GHDC: variants seen among roughly 807,000 people sequenced by gnomAD.
GHDC encodes the protein GH3 domain containing.
GHDC carries 39 observed loss-of-function variants against 51.5 expected under a neutral mutation model. The ratio of observed to expected loss-of-function variants is 0.76; its 90% CI spans 0.59 to 0.99. The LOEUF (loss-of-function observed/expected upper bound fraction) is 0.99. Ranked by LOEUF, GHDC falls within the 50% of genes least tolerant of loss-of-function variation. The pLI, the probability that GHDC is intolerant of heterozygous loss-of-function variation, is 0.00. For synonymous variants in GHDC, 282 were observed against 305.2 expected (o/e 0.92, Z 0.79); for missense variants, 610 against 672.8 (o/e 0.91, Z 1.03).
intron 3 of GHDC, 70 bp downstream of exon 3, chr17:42,193,247 C>T (rs1394208696): frequency 2.3e-5 from 35 of 1,521,034 alleles, no homozygotes; most frequent in Admixed American, 4.6e-5. Context: ...GGCCATCAGG[C>T]TCTGGAATCT....
Position 42,189,642 on chromosome 17 carries a change from G to T in GHDC, c.*61C>A. 1 of 837,192 alleles carries T rather than the reference G, an allele frequency of 1.2e-6. No individual in the cohort carries two copies. Among genetic ancestry groups the T allele is most frequent in the Non-Finnish European group, 1.8e-6 (1 of 569,432 alleles). The allele number at this position is 837,192 out of a possible 1,614,324, so 51.9% of individuals were successfully genotyped here. A position where few individuals can be genotyped will look rare whatever the true frequency, so the allele number is the denominator to read the frequency against. ...GGCCAAGGACTCCCCATCCGGAGAG[G>T]TCCCAGAGGGAGGGGCGAGGTGGCC... On this transcript the variant is annotated 3_prime_UTR_variant, in exon 10 of 10. Transcript: ENST00000587427.
At chr17:42,191,274 C>A in intron 5 of GHDC, 64 bp from the exon 6 acceptor site, 2 of 1,421,662 alleles carry the variant, frequency 1.4e-6, no homozygotes, top group African/African-American at 1.5e-5. Flanking sequence ...AGGCAATAGC[C>A]CCTCCTGGAT....
At chr17:42,191,329 C>T in intron 5 of GHDC, 119 bp from the exon 6 acceptor site, 1 of 991,080 alleles carries the variant, frequency 1.0e-6, no homozygotes, top group Non-Finnish European at 1.4e-6. Context: ...GCTGCCCTTC[C>T]ACCACATCCT....
intron 4 of GHDC, 46 bp downstream of exon 4, chr17:42,192,860 G>T: frequency 2.5e-6 from 4 of 1,597,576 alleles, no homozygotes; most frequent in Non-Finnish European, 3.4e-6. Context: ...GGTCTCTGGT[G>T]GGACTGGGCT....
rs932960202 is a variant in GHDC, at chr17:42,190,534, T to C, written c.1288+90A>G. On this transcript the variant is annotated intron_variant, in intron 8 of 9. Coordinates refer to ENST00000587427, the MANE Select transcript of GHDC (RefSeq NM_032484.5). Reference sequence around the variant, plus strand: ...CTTTTGTAGGAGTAGTAAAGGAGGCTTATCTCTTTCCTAGCAGTCCCCTGG... The same window carrying C: ...CTTTTGTAGGAGTAGTAAAGGAGGCCTATCTCTTTCCTAGCAGTCCCCTGG... 3.3e-5 allele frequency: 49 copies of C among 1,482,384 alleles called. 1 individual carries two copies. The African/African-American group carries it at 5.3e-4, about 16-fold the overall frequency. 91.8% of individuals were successfully genotyped at this position (1,482,384 alleles called of 1,614,324 possible).
intron 5 of GHDC, 152 bp from the exon 6 acceptor site, chr17:42,191,362 G>T: frequency 2.6e-6 from 2 of 767,470 alleles, no homozygotes; most frequent in Non-Finnish European, 3.7e-6. Context: ...CAGCCTCAGC[G>T]GGCTGCCTCT....
Position 42,192,989 on chromosome 17 carries a change from CCT to C in GHDC, c.302_303del (p.Lys101SerfsTer82), listed in dbSNP as rs1567649199. 31 of 1,613,924 alleles carry C rather than the reference CCT, an allele frequency of 1.9e-5. No individual in the cohort carries two copies. The highest frequency in any genetic ancestry group is 2.5e-5 in the Non-Finnish European group (30 of 1,180,018). ...STFRNHLPLT[K>X]ASQTQQEDSG... ...CTGTCTTCCTGCTGGGTCTGGCTGGCCTTGGTCAGAGGGAGATGATTCCGGAA... is the reference window on the plus strand; with the variant it reads ...CTGTCTTCCTGCTGGGTCTGGCTGGCTGGTCAGAGGGAGATGATTCCGGAA... On this transcript the variant is annotated frameshift_variant, in exon 4 of 10. Coordinates refer to ENST00000587427, the MANE Select transcript of GHDC (RefSeq NM_032484.5). LOFTEE classifies it high-confidence loss of function.
Position 42,193,824 on chromosome 17 carries a change from G to A in GHDC, c.-71C>T. On this transcript the variant is annotated 5_prime_UTR_variant, in exon 2 of 10. Transcript: ENST00000587427. ...GCTGTAGGGCCCTGAGCAATTTAGTGGGCTGCACTGAGCTCTGTTTCCTGA... is the reference window on the plus strand; with the variant it reads ...GCTGTAGGGCCCTGAGCAATTTAGTAGGCTGCACTGAGCTCTGTTTCCTGA... 1.8e-6 allele frequency: 1 copy of A among 558,104 alleles called. No homozygotes were observed. Among genetic ancestry groups the A allele is most frequent in the Non-Finnish European group, 3.2e-6 (1 of 317,410 alleles). 34.6% of individuals were successfully genotyped at this position (558,104 alleles called of 1,614,324 possible).
chr17:42,192,262 G>T lies in GHDC; in HGVS notation c.868C>A (p.Pro290Thr). 6.4e-7 allele frequency: 1 copy of T among 1,550,854 alleles called. No homozygotes were observed. Among genetic ancestry groups the T allele is most frequent in the South Asian group, 1.2e-5 (1 of 81,182 alleles). The change falls in exon 5 of 10, where the codon CCT (proline) becomes ACT (threonine). Residue 290 changes from proline (P) to threonine (T), a missense_variant. Pro to Thr is a conservative substitution (Grantham distance 38). Transcript: ENST00000587427. ...LWCQGLAFFS[P>T]AYAASGGVLG... ...TGACCTCCCGAGGCAGCATAAGCAG[G>T]AGAGAAGAAGGCTAGTCCTTGGCAC...
In GHDC at chr17:42,192,486, G is replaced by A. The variant is rs1391340113; in HGVS notation, c.644C>T (p.Thr215Ile). ...CGCCCCAGCTAGCTCTTCACCATCA[G>A]TCTCCAGGCCCAAGAAAACATCCAG... ...ELLDVFLGLE[T>I]DGEELAGAIA... is the part of the protein sequence containing the mutation. The change falls in exon 5 of 10, where the codon ACT becomes ATT. Residue 215 changes from threonine (T) to isoleucine (I), a missense_variant. Transcript: ENST00000587427. The A allele has an allele frequency of 1.9e-6, 3 of 1,613,606 alleles. No individual in the cohort carries two copies. Among genetic ancestry groups the A allele is most frequent in the Non-Finnish European group, 2.5e-6 (3 of 1,180,044 alleles).
rs2079963370 is a variant in GHDC at position 42,190,893 on chromosome 17, C to G, written c.1093G>C (p.Gly365Arg). The G allele has an allele frequency of 1.9e-6, 3 of 1,607,440 alleles. No individual in the cohort carries two copies. Among genetic ancestry groups the G allele is most frequent in the Admixed American group, 1.7e-5 (1 of 57,734 alleles). ...GCACCAACCACTCGCACCACATCAC[C>G]CAGGCGGCACCTGATGGGGTGCAAG... ...DRASLTRCRL[G>R]DVVRVVGAYN... Residue 365 changes from glycine to arginine, a missense_variant, in exon 7 of 10, where the codon GGT becomes CGT. This residue lies in a region of GHDC where 412 missense variants were observed against 410.4 expected (regional missense o/e 1.00). Transcript: ENST00000587427.
Position 42,191,019 on chromosome 17 carries a change from T to A in GHDC, c.1081A>T (p.Arg361Trp). ...LVLTDRASLT[R>W]CRLGDVVRVV... ...AGCAGGGGCTGTGCAGCTGATCACC[T>A]GGTGAGGCTGGCGCGGTCCGTCAGC... Residue 361 changes from arginine (R) to tryptophan (W), a missense_variant and splice_region_variant, in exon 6 of 10, where the codon AGG becomes TGG. This residue lies in a region of GHDC where 412 missense variants were observed against 410.4 expected (regional missense o/e 1.00). Transcript: ENST00000587427. 6.4e-7 allele frequency: 1 copy of A among 1,571,046 alleles called. No homozygotes were observed. The highest frequency in any genetic ancestry group is 8.6e-7 in the Non-Finnish European group (1 of 1,160,096).
chr17:42,190,595 G>A, intron 8 of GHDC, 29 bp downstream of exon 8: 2 of 1,600,678 alleles, frequency 1.2e-6, no homozygotes, highest in Non-Finnish European at 8.5e-7. Flanking sequence ...GCTCAAGGAT[G>A]GTAGGCAGGA....
chr17:42,189,865 G>T lies in GHDC; in HGVS notation c.1431C>A (p.Gly477=). 6.4e-7 allele frequency: 1 copy of T among 1,562,034 alleles called. No homozygotes were observed. The highest frequency in any genetic ancestry group is 1.4e-5 in the African/African-American group (1 of 73,676). ...SPRYKSLRFW[G]SVGPARVHLV... The stretch of plus-strand genomic sequence containing the variant: ...GGTGGACTCTGGCAGGGCCCACGCT[G>T]CCCCAGAACCGCAGGGACTTGTAGC... Residue 477 remains glycine (G), a synonymous_variant, in exon 10 of 10, where the codon GGC becomes GGA. Coordinates refer to ENST00000587427, the MANE Select transcript of GHDC (RefSeq NM_032484.5).
At position 42,189,809 on chromosome 17, in the gene GHDC, C is replaced by A. The variant is rs779394083; in HGVS notation, c.1487G>T (p.Arg496Leu). Residue 496 changes from arginine (R) to leucine (L), a missense_variant, in exon 10 of 10, where the codon CGG becomes CTG. Coordinates refer to ENST00000587427, the MANE Select transcript of GHDC (RefSeq NM_032484.5). ...LVGQGAFRALRAALAACPSSP... is the reference protein window; with the variant it reads ...LVGQGAFRALLAALAACPSSP... ...GGAGGGGCAGGCAGCGAGGGCTGCC[C>A]GGAGTGCTCGGAAGGCTCCCTGCCC... 1.9e-5 allele frequency: 29 copies of A among 1,556,296 alleles called. No homozygotes were observed. The highest frequency in any genetic ancestry group is 2.4e-5 in the Non-Finnish European group (28 of 1,151,034).
In GHDC at chr17:42,192,337, G is replaced by C. The variant is rs1259127553; in HGVS notation, c.793C>G (p.Leu265Val). The C allele has an allele frequency of 6.2e-7, 1 of 1,613,022 alleles. No homozygotes were observed. Among genetic ancestry groups the C allele is most frequent in the East Asian group, 2.2e-5 (1 of 44,882 alleles). The change falls in exon 5 of 10, where the codon CTG becomes GTG. Residue 265 changes from leucine to valine, a missense_variant. Physicochemically the swap from Leu to Val is conservative, Grantham distance 32 (BLOSUM62 1). Transcript: ENST00000587427. ...LWPKLQVVVT[L>V]DAGGQAEAVA... The stretch of plus-strand genomic sequence containing the variant: ...GCCTCGGCCTGGCCTCCTGCATCCA[G>C]AGTCACCACCACCTGCAGCTTTGGC...
Position 42,193,802 on chromosome 17 carries a change from G to A in GHDC, c.-49C>T. 1.6e-6 allele frequency: 1 copy of A among 624,768 alleles called. No homozygotes were observed. The highest frequency in any genetic ancestry group is 2.7e-6 in the Non-Finnish European group (1 of 365,340). 38.7% of individuals were successfully genotyped at this position (624,768 alleles called of 1,614,324 possible). On this transcript the variant is annotated 5_prime_UTR_variant, in exon 2 of 10. Coordinates refer to ENST00000587427, the MANE Select transcript of GHDC (RefSeq NM_032484.5). ...ATCCTGCCTCTGCCGCTTGTTAGCT[G>A]TAGGGCCCTGAGCAATTTAGTGGGC...
intron 3 of GHDC, 106 bp from the exon 4 acceptor site, chr17:42,193,133 TAG>T (rs777548830): frequency 6.4e-7 from 1 of 1,565,450 alleles, no homozygotes; most frequent in African/African-American, 1.4e-5. Context: ...AGGCCTGGGG[TAG>T]AGAGGATGTA....
Position 42,193,842 on chromosome 17 carries a change from T to C in GHDC, c.-89A>G. 2.0e-6 allele frequency: 1 copy of C among 502,118 alleles called. No individual in the cohort carries two copies. The highest frequency in any genetic ancestry group is 3.5e-6 in the Non-Finnish European group (1 of 285,474). 31.1% of individuals were successfully genotyped at this position (502,118 alleles called of 1,614,324 possible). A position where few individuals can be genotyped will look rare whatever the true frequency, so the allele number is the denominator to read the frequency against. On this transcript the variant is annotated 5_prime_UTR_variant, in exon 2 of 10. Transcript: ENST00000587427. ...ATTTAGTGGGCTGCACTGAGCTCTG[T>C]TTCCTGATCTGCAAAATGGGAATAA...
Sources: allele counts gnomAD v4.1 joint callset, GRCh38; gene constraint gnomAD v4.1.1; regional missense constraint gnomAD v4.1.1; transcripts MANE v1.5; gene names NCBI Gene and HGNC (gene_info 2026-07-23, HGNC 2026-07-21).